DGKB: variants seen among roughly 807,000 people sequenced by gnomAD.
DGKB encodes the protein diacylglycerol kinase beta.
In DGKB, 67 loss-of-function variants were observed where a neutral mutation model predicts 114.3. The ratio of observed to expected loss-of-function variants is 0.59; its 90% CI spans 0.48 to 0.72. The LOEUF (loss-of-function observed/expected upper bound fraction) is 0.72, where lower values mean the gene tolerates loss of function less well. Ranked by LOEUF, DGKB falls within the 30% of genes least tolerant of loss-of-function variation. The pLI, the probability that DGKB is intolerant of heterozygous loss-of-function variation, is 0.00. For missense variants in DGKB, 907 were observed against 975.2 expected, an observed-to-expected ratio of 0.93 and a Z score of 0.93; for synonymous variants, 398 against 323.1, an observed-to-expected ratio of 1.23 and a Z score of -2.49.
intron 21 of DGKB, among the ~76,000 whole-genome samples, chr7:14,441,074 C>T (rs746583449): frequency 2.6e-5 from 4 of 151,774 alleles, no homozygotes; most frequent in Admixed American, 1.3e-4. Context: ...TGGAGTACAG[C>T]GGCATGATCC....
At chr7:14,601,658 T>C (rs1803570952) in intron 17 of DGKB, among the ~76,000 whole-genome samples, 1 of 152,162 alleles carries the variant, frequency 6.6e-6, no homozygotes, top group Non-Finnish European at 1.5e-5. Context: ...TGCTTAGAGA[T>C]TTCTTTTACC....
intron 21 of DGKB, among the ~76,000 whole-genome samples, chr7:14,430,159 C>T (rs926642972): frequency 6.6e-6 from 1 of 152,078 alleles, no homozygotes; most frequent in Non-Finnish European, 1.5e-5. Context: ...CTGATGGCTT[C>T]CTTGCACTTT....
chr7:14,406,203 T>C (rs1456076389), intron 21 of DGKB, among the ~76,000 whole-genome samples: 1 of 152,004 alleles, frequency 6.6e-6, no homozygotes, highest in Admixed American at 6.6e-5. Context: ...CCAAATCAGA[T>C]GCCAGATGAC....
At chr7:14,177,720 C>T (rs756263365) in intron 24 of DGKB, among the ~76,000 whole-genome samples, 3 of 151,882 alleles carry the variant, frequency 2.0e-5, no homozygotes, top group Non-Finnish European at 2.9e-5. Flanking sequence ...ATAATTTGCC[C>T]AGTAAATACT....
intron 21 of DGKB, among the ~76,000 whole-genome samples, chr7:14,392,933 T>C (rs1205356940): frequency 6.6e-6 from 1 of 151,802 alleles, no homozygotes; most frequent in East Asian, 1.9e-4. Context: ...ATCAAAAGCA[T>C]TTCAGGGAAG....
intron 21 of DGKB, among the ~76,000 whole-genome samples, chr7:14,425,149 C>T (rs1439252161): frequency 6.6e-6 from 1 of 151,842 alleles, no homozygotes; most frequent in Non-Finnish European, 1.5e-5. Flanking sequence ...CTTTTATTTG[C>T]TAATATTCTA....
chr7:14,801,475 T>C (rs1198753209), intron 2 of DGKB, among the ~76,000 whole-genome samples: 1 of 152,156 alleles, frequency 6.6e-6, no homozygotes, highest in Non-Finnish European at 1.5e-5. Context: ...AGACTAGCAT[T>C]TGAATTGGTG....
chr7:14,436,947 C>A (rs1316960266), intron 21 of DGKB, among the ~76,000 whole-genome samples: 1 of 152,004 alleles, frequency 6.6e-6, no homozygotes, highest in African/African-American at 2.4e-5. Flanking sequence ...AAATGCTTTC[C>A]TAGTATCCAT....
At chr7:14,198,970 T>G (rs780334626) in intron 23 of DGKB, among the ~76,000 whole-genome samples, 13 of 152,052 alleles carry the variant, frequency 8.5e-5, no homozygotes, top group Admixed American at 4.6e-4. Flanking sequence ...GAAGTTCTGA[T>G]TCCTAGTCCT....
intron 1 of DGKB, among the ~76,000 whole-genome samples, chr7:14,853,303 C>T (rs1358344146): frequency 6.6e-6 from 1 of 152,106 alleles, no homozygotes; most frequent in African/African-American, 2.4e-5. Context: ...ACTGTATATG[C>T]TTTTATTTTC....
chr7:14,215,363 A>G (rs756285261), intron 23 of DGKB, among the ~76,000 whole-genome samples: 1 of 152,158 alleles, frequency 6.6e-6, no homozygotes, highest in Admixed American at 6.6e-5. Flanking sequence ...ATGTATTTAT[A>G]AAGTGCCCCA....
At chr7:14,250,810 C>A (rs1471227574) in intron 23 of DGKB, among the ~76,000 whole-genome samples, 1 of 152,060 alleles carries the variant, frequency 6.6e-6, no homozygotes, top group Admixed American at 6.6e-5. Context: ...TTTAGGTGTG[C>A]CAATATTTGG....
At chr7:14,547,183 C>T (rs1794419891) in intron 20 of DGKB, among the ~76,000 whole-genome samples, 2 of 152,068 alleles carry the variant, frequency 1.3e-5, no homozygotes, top group Non-Finnish European at 2.9e-5. Context: ...TATGCCTCTG[C>T]TTTTGGCTCA....
intron 1 of DGKB, among the ~76,000 whole-genome samples, chr7:14,849,070 G>T (rs1849007469): frequency 6.6e-6 from 1 of 151,990 alleles, no homozygotes; most frequent in African/African-American, 2.4e-5. Flanking sequence ...CACATGTCAG[G>T]ATCCCAGTAG....
intron 23 of DGKB, among the ~76,000 whole-genome samples, chr7:14,224,690 A>G (rs887322943): frequency 6.6e-6 from 1 of 151,940 alleles, no homozygotes; most frequent in African/African-American, 2.4e-5. Flanking sequence ...ATTCTAGTCC[A>G]CCACCACCAC....
intron 20 of DGKB, among the ~76,000 whole-genome samples, chr7:14,500,661 C>T (rs1248673716): frequency 1.3e-5 from 2 of 151,522 alleles, no homozygotes; most frequent in Non-Finnish European, 3.0e-5. Context: ...GGTAAGCAGT[C>T]TCGTGGTGTT....
intron 1 of DGKB, among the ~76,000 whole-genome samples, chr7:14,895,975 A>G (rs1318673598): frequency 6.6e-6 from 1 of 151,656 alleles, no homozygotes; most frequent in Non-Finnish European, 1.5e-5. Context: ...CTACAAACTC[A>G]TCTTTTCTGC....
intron 2 of DGKB, among the ~76,000 whole-genome samples, chr7:14,777,622 A>T (rs959082335): frequency 5.3e-5 from 8 of 152,132 alleles, no homozygotes; most frequent in Non-Finnish European, 4.4e-5. Context: ...TTCTGCCATG[A>T]TTGTAAGTTT....
intron 1 of DGKB, among the ~76,000 whole-genome samples, chr7:14,882,745 C>T (rs1854430416): frequency 6.6e-6 from 1 of 151,952 alleles, no homozygotes; most frequent in Admixed American, 6.6e-5. Flanking sequence ...TCAGTTCCAT[C>T]TATGTTGCTG....
Sources: allele counts gnomAD v4.1 joint callset (sites outside exome capture counted in the v4.1 genomes callset), GRCh38; gene constraint gnomAD v4.1.1; transcripts MANE v1.5; gene names NCBI Gene and HGNC (gene_info 2026-07-23, HGNC 2026-07-21).